SPATA1: variants seen among roughly 807,000 people sequenced by gnomAD.
SPATA1 encodes spermatogenesis-associated protein 1.
SPATA1 carries 57 observed loss-of-function variants against 59.6 expected under a neutral mutation model. The observed-to-expected ratio is 0.96, with a 90% confidence interval of 0.77 to 1.19. SPATA1 has a LOEUF of 1.19. Ranked by LOEUF, SPATA1 falls within the 50% of genes most tolerant of loss-of-function variation. The pLI, the probability that SPATA1 is intolerant of heterozygous loss-of-function variation, is 0.00. For synonymous variants in SPATA1, 147 were observed against 163.9 expected, an observed-to-expected ratio of 0.90 and a Z score of 0.79; for missense variants, 448 against 480.7, an observed-to-expected ratio of 0.93 and a Z score of 0.64.
intron 2 of SPATA1, chr1:84,520,370 T>C (rs1682972782): frequency 2.2e-6 from 1 of 453,682 alleles, no homozygotes; most frequent in Non-Finnish European, 3.8e-6. Context: ...GCCACATCTA[T>C]AACATTGTTG....
chr1:84,520,373 CATT>C, intron 2 of SPATA1: 1 of 455,138 alleles, frequency 2.2e-6, no homozygotes, highest in Non-Finnish European at 3.8e-6. Context: ...ACATCTATAA[CATT>C]GTTGCCAAGG....
intron 4 of SPATA1, chr1:84,563,183 T>C: frequency 3.9e-6 from 4 of 1,032,068 alleles, no homozygotes; most frequent in Non-Finnish European, 5.3e-6. Flanking sequence ...AAATTCTTGA[T>C]ATCAAACATC....
intron 10 of SPATA1, among the ~76,000 whole-genome samples, chr1:84,546,136 G>T (rs1423177260): frequency 2.0e-5 from 3 of 152,160 alleles, no homozygotes; most frequent in African/African-American, 7.2e-5. Flanking sequence ...GTCCAGTGGG[G>T]AAATGATAAG....
chr1:84,563,432 A>T, intron 4 of SPATA1: 1 of 1,473,652 alleles, frequency 6.8e-7, no homozygotes, highest in Non-Finnish European at 9.0e-7. Flanking sequence ...GAAATGCAAA[A>T]GTGCTCATGT....
chr1:84,527,454 TAAAG>T lies in SPATA1; in HGVS notation c.544+1383_544+1386del, dbSNP rs1683268800. On this transcript the variant is annotated intron_variant, in intron 6 of 12. Coordinates refer to ENST00000490879, the Ensembl canonical transcript of SPATA1. ...TTACTAATAAATGTAAAGAAGAAAA[TAAAG>T]ACTGACAATAATTTTACTACTCAGA... is the stretch of plus-strand genomic sequence containing the variant. 5.3e-5 allele frequency: 8 copies of T among 152,068 alleles called. No homozygotes were observed. In the South Asian group the frequency reaches 1.7e-3, roughly 32 times the overall value. 9.4% of individuals were successfully genotyped at this position (152,068 alleles called of 1,614,324 possible). A position where few individuals can be genotyped will look rare whatever the true frequency, so the allele number is the denominator to read the frequency against.
At chr1:84,562,017 T>A (rs751413157) in intron 4 of SPATA1, among the ~76,000 whole-genome samples, 2 of 152,194 alleles carry the variant, frequency 1.3e-5, no homozygotes, top group Non-Finnish European at 2.9e-5. Context: ...TGTAATTGGT[T>A]ACCATAACTT....
At chr1:84,555,295 A>AG, downstream of SPATA1, 1 of 917,888 alleles carries the variant, frequency 1.1e-6, no homozygotes, top group South Asian at 2.3e-5. Context: ...GTACAGTAAG[A>AG]GGGAAAAAAG....
chr1:84,558,446 C>T (rs1215068827), downstream of SPATA1, among the ~76,000 whole-genome samples: 14 of 151,398 alleles, frequency 9.2e-5, no homozygotes, highest in Admixed American at 7.2e-4. Context: ...CCCGCCACTA[C>T]GCCCGGCTAA....
intron 4 of SPATA1, among the ~76,000 whole-genome samples, chr1:84,564,717 C>T (rs1023230898): frequency 1.1e-4 from 17 of 152,020 alleles, no homozygotes; most frequent in Non-Finnish European, 1.9e-4. Context: ...ATAATTACTT[C>T]GTAATTTTAA....
rs1319083711 is a variant in SPATA1 at position 84,546,465 on chromosome 1, A to G, written c.946+706A>G. On this transcript the variant is annotated intron_variant, in intron 10 of 12. Coordinates refer to ENST00000490879, the Ensembl canonical transcript of SPATA1. ...AAAGCAAGACTCTGCCTCAAAAAAA[A>G]AAAAAAAAAAAAAAACTTGATGAAA... Among the ~76,000 whole-genome samples, 4 of 151,840 alleles carry G rather than the reference A, an allele frequency of 2.6e-5. No homozygotes were observed. The East Asian group carries it at 7.7e-4, about 29-fold the overall frequency.
chr1:84,548,721 A>G, intron 10 of SPATA1, 65 bp from the exon 11 acceptor site: 1 of 1,348,176 alleles, frequency 7.4e-7, no homozygotes, highest in African/African-American at 1.6e-5. Context: ...GAAAAGTTGA[A>G]TCCTTTAATA....
chr1:84,558,093 G>T (rs914084877), downstream of SPATA1, among the ~76,000 whole-genome samples: 1 of 152,078 alleles, frequency 6.6e-6, no homozygotes, highest in African/African-American at 2.4e-5. Flanking sequence ...ACTGTATCCC[G>T]TGGTAACTAT....
chr1:84,558,358 C>A (rs944445038), downstream of SPATA1, among the ~76,000 whole-genome samples: 1 of 150,268 alleles, frequency 6.7e-6, no homozygotes, highest in East Asian at 2.0e-4. Flanking sequence ...GGCGGGATCT[C>A]GGCTCACTGC....
chr1:84,544,139 G>A lies in SPATA1; in HGVS notation c.718-63G>A, dbSNP rs1023776423. 27 of 1,084,780 alleles carry A rather than the reference G, an allele frequency of 2.5e-5. No homozygotes were observed. The African/African-American group carries it at 3.0e-4, about 12-fold the overall frequency. 67.2% of individuals were successfully genotyped at this position (1,084,780 alleles called of 1,614,324 possible). A position where few individuals can be genotyped will look rare whatever the true frequency, so the allele number is the denominator to read the frequency against. ...CTGGTTTGCATTATCAAATACCTAC[G>A]GGCAAGTGAAAAAAGAATGTGACAG... On this transcript the variant is annotated intron_variant, in intron 8 of 12. Transcript: ENST00000490879.
At chr1:84,517,973 C>A (rs752953311) in intron 2 of SPATA1, among the ~76,000 whole-genome samples, 9,299 of 152,020 alleles carry the variant, frequency 0.061, 379 homozygotes, top group African/African-American at 0.11. Flanking sequence ...CAGGACACCA[C>A]TTATGAAATA....
intron 6 of SPATA1, among the ~76,000 whole-genome samples, chr1:84,527,291 T>C (rs1558586875): frequency 6.6e-6 from 1 of 152,198 alleles, no homozygotes; most frequent in East Asian, 1.9e-4. Flanking sequence ...AAAGTTAAAC[T>C]AATTTTTTTC....
intron 2 of SPATA1, among the ~76,000 whole-genome samples, chr1:84,517,447 G>A (rs980445176): frequency 1.4e-4 from 21 of 152,026 alleles, no homozygotes; most frequent in African/African-American, 4.6e-4. Flanking sequence ...CCAGATTCAC[G>A]TAGGCCTATA....
At chr1:84,561,210 A>G (rs914767667) in intron 4 of SPATA1, among the ~76,000 whole-genome samples, 1 of 152,222 alleles carries the variant, frequency 6.6e-6, no homozygotes, top group Non-Finnish European at 1.5e-5. Flanking sequence ...ATCAACATTA[A>G]CAGGAGTTTG....
chr1:84,507,368 T>TACTTAATTCATACGGATGTAATGA (rs1558559849), intron 1 of SPATA1: 1 of 152,246 alleles, frequency 6.6e-6, no homozygotes, highest in Non-Finnish European at 1.5e-5. Flanking sequence ...TTTAGCATTT[T>TACTTAATTCATACGGATGTAATGA]ACTTAATTCA....
Sources: gnomAD v4.1 joint callset for allele counts (sites outside exome capture counted in the v4.1 genomes callset) on GRCh38, gnomAD v4.1.1 for gene constraint, MANE v1.5 for transcripts, NCBI Gene and HGNC (gene_info 2026-07-23, HGNC 2026-07-21) for gene names.